The following MARCHF4 variants were observed in gnomAD, a reference collection of about 807,000 sequenced individuals.
MARCHF4 encodes the protein membrane associated ring-CH-type finger 4, also known as E3 ubiquitin-protein ligase MARCHF4.
Under a neutral mutation model 43.9 loss-of-function variants are expected in MARCHF4, and 14 were observed. The observed-to-expected ratio is 0.32, with a 90% CI of 0.21 to 0.50. The LOEUF (loss-of-function observed/expected upper bound fraction) is 0.50, where lower values mean the gene tolerates loss of function less well. MARCHF4 is among the 20% of genes least tolerant of loss of function. The pLI is 0.98. For missense variants in MARCHF4, 468 were observed against 536.7 expected (o/e 0.87, Z 1.27); for synonymous variants, 226 against 213.3 (o/e 1.06, Z -0.52).
intron 1 of MARCHF4, among the ~76,000 whole-genome samples, chr2:216,354,710 G>C (rs761739735): frequency 2.6e-5 from 4 of 152,138 alleles, no homozygotes; most frequent in Non-Finnish European, 5.9e-5. Flanking sequence ...TTGGGGGATG[G>C]AGGATCCCTT....
At chr2:216,277,549 C>A (rs899284939) in intron 3 of MARCHF4, 123 bp downstream of exon 3, 2 of 1,032,998 alleles carry the variant, frequency 1.9e-6, no homozygotes, top group Non-Finnish European at 2.8e-6. Context: ...CTCCTGAGCT[C>A]CCAGTTCTCA....
chr2:216,274,908 TCAC>T, intron 3 of MARCHF4, among the ~76,000 whole-genome samples: 1 of 17,522 alleles, frequency 5.7e-5, no homozygotes, highest in South Asian at 8.6e-3. Flanking sequence ...CTGTCTGAAC[TCAC>T]TCCTTAAAGG....
intron 1 of MARCHF4, among the ~76,000 whole-genome samples, chr2:216,313,861 C>T (rs905284783): frequency 2.6e-5 from 4 of 152,130 alleles, no homozygotes; most frequent in South Asian, 2.1e-4. Context: ...AATTAAGGAT[C>T]CACTCTAGGC....
chr2:216,259,611 A>G lies in MARCHF4; in HGVS notation c.934T>C (p.Trp312Arg). 17 of 1,613,960 alleles carry G rather than the reference A, an allele frequency of 1.1e-5. No individual in the cohort carries two copies. The highest frequency in any genetic ancestry group is 1.4e-5 in the Non-Finnish European group (17 of 1,179,958). The change falls in exon 4 of 4, where the codon TGG (tryptophan) becomes CGG (arginine). Residue 312 changes from tryptophan (W) to arginine (R), a missense_variant. Around this residue, in one of 3 missense-constraint regions of MARCHF4, gnomAD observed 120 missense variants for 127.1 expected, o/e 0.94. Transcript: ENST00000273067. ...FKRWQAVNQQ[W>R]KVLNYDKTKD... ...GTCTTGTCATAGTTCAGCACTTTCC[A>G]CTGCTGGTTGACAGCCTGCCACCGT...
chr2:216,334,919 C>T (rs148583779), intron 1 of MARCHF4, among the ~76,000 whole-genome samples: 248 of 152,308 alleles, frequency 1.6e-3, no homozygotes, highest in Admixed American at 0.012. Context: ...TGAAAGTAGC[C>T]TGTGGATTCT....
chr2:216,369,118 T>A (rs1276863317), intron 1 of MARCHF4, among the ~76,000 whole-genome samples: 1 of 152,192 alleles, frequency 6.6e-6, no homozygotes, highest in Non-Finnish European at 1.5e-5. Context: ...GTTTTCAACA[T>A]AGAAAAATTT....
chr2:216,335,571 T>C (rs760467455), intron 1 of MARCHF4, among the ~76,000 whole-genome samples: 1 of 152,158 alleles, frequency 6.6e-6, no homozygotes, highest in Non-Finnish European at 1.5e-5. Flanking sequence ...TTCTGACATT[T>C]TGATGTCTAG....
intron 1 of MARCHF4, among the ~76,000 whole-genome samples, chr2:216,312,267 T>C (rs1214974721): frequency 3.3e-5 from 5 of 152,206 alleles, no homozygotes; most frequent in Non-Finnish European, 5.9e-5. Context: ...GCTTCATCCA[T>C]GTTGCTACAA....
chr2:216,315,751 C>G (rs374717505), intron 1 of MARCHF4, among the ~76,000 whole-genome samples: 54 of 152,186 alleles, frequency 3.5e-4, no homozygotes, highest in African/African-American at 1.2e-3. Context: ...TTACATGTAA[C>G]TTTTACTTTT....
At chr2:216,282,853 T>C (rs947636043) in intron 2 of MARCHF4, among the ~76,000 whole-genome samples, 1 of 152,178 alleles carries the variant, frequency 6.6e-6, no homozygotes, top group African/African-American at 2.4e-5. Flanking sequence ...TTCTTCTATT[T>C]CTTATTGCTC....
intron 1 of MARCHF4, among the ~76,000 whole-genome samples, chr2:216,325,515 C>A (rs1338814772): frequency 6.6e-6 from 1 of 152,130 alleles, no homozygotes; most frequent in African/African-American, 2.4e-5. Context: ...CAAGTCAATC[C>A]TAAGCCAAAA....
intron 1 of MARCHF4, among the ~76,000 whole-genome samples, chr2:216,356,666 CCTTTT>C (rs1470885299): frequency 6.6e-6 from 1 of 152,082 alleles, no homozygotes; most frequent in African/African-American, 2.4e-5. Context: ...AAGCCTCTTC[CCTTTT>C]AAGTTATTTT....
At chr2:216,281,708 T>C (rs947851657) in intron 2 of MARCHF4, among the ~76,000 whole-genome samples, 4 of 152,182 alleles carry the variant, frequency 2.6e-5, no homozygotes, top group Admixed American at 1.3e-4. Flanking sequence ...AGAAGTGAGA[T>C]GGCATTTACT....
Position 216,287,641 on chromosome 2 carries a change from G to C in MARCHF4, c.517-3912C>G, listed in dbSNP as rs1691237208. On this transcript the variant is annotated intron_variant, in intron 1 of 3. Transcript: ENST00000273067. ...CATCACACACCCGGGACTGTTGTGG[G>C]GTGGGGGGAGGGGGGAGGGATAGCA... Among the ~76,000 whole-genome samples the C allele has an allele frequency of 2.5e-5, 3 of 121,466 alleles. No individual in the cohort carries two copies. The Admixed American group carries it at 2.6e-4, about 11-fold the overall frequency. 79.7% of individuals were successfully genotyped at this position (121,466 alleles called of 152,430 possible).
intron 1 of MARCHF4, among the ~76,000 whole-genome samples, chr2:216,362,271 C>T (rs1692595814): frequency 6.6e-6 from 1 of 152,182 alleles, no homozygotes; most frequent in Non-Finnish European, 1.5e-5. Flanking sequence ...CATTGCTTGG[C>T]CTTTTCGTTT....
intron 1 of MARCHF4, among the ~76,000 whole-genome samples, chr2:216,362,147 G>A (rs1692592274): frequency 6.6e-6 from 1 of 152,134 alleles, no homozygotes; most frequent in African/African-American, 2.4e-5. Flanking sequence ...TGGCCAAATG[G>A]TCTCAAGCCA....
chr2:216,328,582 G>A (rs1234647755), intron 1 of MARCHF4, among the ~76,000 whole-genome samples: 1 of 152,176 alleles, frequency 6.6e-6, no homozygotes, highest in African/African-American at 2.4e-5. Context: ...TCACTTCTTA[G>A]TGAGTGGAGA....
At chr2:216,338,926 C>CA (rs1223189453) in intron 1 of MARCHF4, among the ~76,000 whole-genome samples, 1 of 152,114 alleles carries the variant, frequency 6.6e-6, no homozygotes, top group African/African-American at 2.4e-5. Flanking sequence ...GAGAAAAAGC[C>CA]AAAGCCAAGA....
At chr2:216,354,902 T>TCTTTCTTCCTTTCTTC (rs1559106501) in intron 1 of MARCHF4, among the ~76,000 whole-genome samples, 1 of 55,678 alleles carries the variant, frequency 1.8e-5, no homozygotes, top group Non-Finnish European at 3.3e-5. Context: ...TTTCTTTCTT[T>TCTTTCTTCCTTTCTTC]CTTTCTTTCT....
Sources: gnomAD v4.1 joint callset for allele counts (sites outside exome capture counted in the v4.1 genomes callset) on GRCh38, gnomAD v4.1.1 for gene constraint, gnomAD v4.1.1 regional missense constraint, MANE v1.5 for transcripts, NCBI Gene and HGNC (gene_info 2026-07-23, HGNC 2026-07-21) for gene names.